AKAP12: variants seen among roughly 807,000 people sequenced by gnomAD.
The protein encoded by AKAP12 is A-kinase anchor protein 12.
AKAP12 carries 32 observed loss-of-function variants against 79.9 expected under a neutral mutation model. The ratio of observed to expected loss-of-function variants is 0.40; its 90% confidence interval spans 0.30 to 0.54. AKAP12 has a LOEUF of 0.54. AKAP12 is among the 20% of genes least tolerant of loss of function. The probability of loss-of-function intolerance (pLI) is 0.48; values close to 1 mark genes in which losing one functional copy is unlikely to be tolerated. For missense variants in AKAP12, 2,074 were observed against 2,177.0 expected (o/e 0.95, Z 0.94); for synonymous variants, 808 against 857.0 (o/e 0.94, Z 1.00).
intron 3 of AKAP12, chr6:151,325,645 A>G (rs1777503646): frequency 7.2e-7 from 1 of 1,395,530 alleles, no homozygotes; most frequent in African/African-American, 1.5e-5. Context: ...GGGTCCGCCT[A>G]TAATTATCTG....
chr6:151,336,882 A>G (rs370641868), intron 3 of AKAP12, among the ~76,000 whole-genome samples: 13 of 152,260 alleles, frequency 8.5e-5, no homozygotes, highest in African/African-American at 2.9e-4. Context: ...AGAAATGTCT[A>G]AGAACAGAGA....
rs141495035 is a variant in AKAP12, at chr6:151,335,796, G to A, written c.320-12915G>A. Among the ~76,000 whole-genome samples, 287 of 152,144 alleles carry A rather than the reference G, an allele frequency of 1.9e-3. 1 individual carries two copies. The highest frequency in any genetic ancestry group is 6.7e-3 in the African/African-American group (278 of 41,510). The stretch of plus-strand genomic sequence containing the variant: ...GGCCTTATTTTTCGTTTAGATTCAG[G>A]GGATACATATATAGGTTTGTTACCT... On this transcript the variant is annotated intron_variant, in intron 3 of 4. Coordinates refer to ENST00000402676, the MANE Select transcript of AKAP12 (RefSeq NM_005100.4).
chr6:151,297,776 C>T (rs1776769492), intron 2 of AKAP12, among the ~76,000 whole-genome samples: 1 of 152,080 alleles, frequency 6.6e-6, no homozygotes, highest in African/African-American at 2.4e-5. Flanking sequence ...TTTCATTTCA[C>T]ATCTCAGACT....
intron 2 of AKAP12, among the ~76,000 whole-genome samples, chr6:151,303,923 G>A (rs1052890289): frequency 6.6e-6 from 1 of 152,118 alleles, no homozygotes; most frequent in Admixed American, 6.6e-5. Context: ...GAAATAGTTG[G>A]TGGCAAGAGT....
intron 3 of AKAP12, among the ~76,000 whole-genome samples, chr6:151,345,924 TGTGTGTGTGAGAGAGAGAGA>T (rs1173870103): frequency 3.8e-5 from 4 of 103,926 alleles, no homozygotes; most frequent in African/African-American, 1.3e-4. Flanking sequence ...TGTGTGTGTG[TGTGTGTGTGAGAGAGAGAGA>T]GAGAGAGAGA....
At chr6:151,313,790 C>T (rs987949676) in intron 3 of AKAP12, among the ~76,000 whole-genome samples, 5 of 152,108 alleles carry the variant, frequency 3.3e-5, no homozygotes, top group East Asian at 3.8e-4. Flanking sequence ...CTACTTTTTG[C>T]GTGATCTTGA....
chr6:151,328,026 C>G (rs1381410274), intron 3 of AKAP12, among the ~76,000 whole-genome samples: 1 of 152,190 alleles, frequency 6.6e-6, no homozygotes, highest in Non-Finnish European at 1.5e-5. Flanking sequence ...GCCATGAGAG[C>G]TTTAAAAATT....
intron 3 of AKAP12, among the ~76,000 whole-genome samples, chr6:151,314,881 C>T (rs767116125): frequency 2.6e-4 from 39 of 151,900 alleles, no homozygotes; most frequent in Admixed American, 7.9e-4. Flanking sequence ...AGTGAAACCC[C>T]GTCCTACTAA....
chr6:151,296,296 A>G (rs893944515), intron 2 of AKAP12, among the ~76,000 whole-genome samples: 4 of 152,300 alleles, frequency 2.6e-5, no homozygotes, highest in African/African-American at 7.2e-5. Context: ...TTTTGACTCT[A>G]TGCTTTGATA....
intron 3 of AKAP12, chr6:151,319,827 C>G (rs1359028419): frequency 2.0e-5 from 3 of 153,812 alleles, no homozygotes; most frequent in Non-Finnish European, 4.4e-5. Context: ...CAAGGGTGTA[C>G]AAGTAGCTGC....
intron 2 of AKAP12, among the ~76,000 whole-genome samples, chr6:151,303,177 C>T (rs936329744): frequency 1.6e-4 from 24 of 147,598 alleles, no homozygotes; most frequent in Non-Finnish European, 2.6e-4. Flanking sequence ...GGGACAAGAG[C>T]GAAAATCCAT....
chr6:151,278,422 G>C (rs966788585), intron 2 of AKAP12, among the ~76,000 whole-genome samples: 1 of 152,082 alleles, frequency 6.6e-6, no homozygotes, highest in Non-Finnish European at 1.5e-5. Context: ...TGCCATGTTG[G>C]CCAGACTGGT....
intron 3 of AKAP12, chr6:151,319,558 C>T (rs201139151): frequency 8.5e-5 from 7 of 82,334 alleles, no homozygotes; most frequent in Non-Finnish European, 1.7e-4. Flanking sequence ...ATATATATAT[C>T]TATATAGAGA....
At chr6:151,299,998 A>T (rs186296720) in intron 2 of AKAP12, among the ~76,000 whole-genome samples, 1 of 152,338 alleles carries the variant, frequency 6.6e-6, no homozygotes. Context: ...GGCATGGTGT[A>T]GCTAATGGGT....
Position 151,353,079 on chromosome 6 carries a change from G to A in AKAP12, c.4688G>A (p.Arg1563His), listed in dbSNP as rs760592345. The A allele has an allele frequency of 8.1e-6, 13 of 1,614,018 alleles. No individual in the cohort carries two copies. Among genetic ancestry groups the A allele is most frequent in the East Asian group, 6.7e-5 (3 of 44,890 alleles). The change falls in exon 4 of 5, where the codon CGT becomes CAT. Residue 1563 changes from arginine (R) to histidine (H), a missense_variant. By Grantham distance (29) the Arg-to-His change is conservative. This residue lies in a region of AKAP12 where 614 missense variants were observed against 665.6 expected (regional missense o/e 0.92). Transcript: ENST00000402676. ...CAGACAGCCGTTGACCAGTTTGTAC[G>A]TACAGAAGAAACAGCCACCGAAATG... is the stretch of plus-strand genomic sequence containing the variant. ...IIQTAVDQFVRTEETATEMLT... is the reference protein window; with the variant it reads ...IIQTAVDQFVHTEETATEMLT...
chr6:151,278,469 G>A (rs2745463), intron 2 of AKAP12, among the ~76,000 whole-genome samples: 59,302 of 151,966 alleles, frequency 0.39, 12,275 homozygotes, highest in Admixed American at 0.51. Flanking sequence ...TCCCTCCTTG[G>A]CCTACCAAAG....
At chr6:151,281,497 A>G (rs551016752) in intron 2 of AKAP12, among the ~76,000 whole-genome samples, 36 of 152,268 alleles carry the variant, frequency 2.4e-4, no homozygotes, top group South Asian at 1.2e-3. Context: ...GTCTTCTTAT[A>G]TGCTTCAGAT....
rs139682112 is a variant in AKAP12 at position 151,340,124 on chromosome 6, G to A, written c.320-8587G>A. On this transcript the variant is annotated intron_variant, in intron 3 of 4. Transcript: ENST00000402676. Reference sequence around the variant, plus strand: ...TTTGTTTGTTTGTTTTAGTAGAGACGGGGTTTCACCATCTTGGCCAGGCTG... The same window carrying A: ...TTTGTTTGTTTGTTTTAGTAGAGACAGGGTTTCACCATCTTGGCCAGGCTG... Among the ~76,000 whole-genome samples, 1,490 of 151,814 alleles carry A rather than the reference G, an allele frequency of 9.8e-3. 25 individuals are homozygous for A. The highest frequency in any genetic ancestry group is 0.035 in the African/African-American group (1,430 of 41,406).
At chr6:151,310,100 C>T (rs1035453576) in intron 3 of AKAP12, among the ~76,000 whole-genome samples, 1 of 152,092 alleles carries the variant, frequency 6.6e-6, no homozygotes, top group African/African-American at 2.4e-5. Context: ...CAGTGGCTCA[C>T]ACCTGTAATC....
Sources: allele counts gnomAD v4.1 joint callset (sites outside exome capture counted in the v4.1 genomes callset), GRCh38; gene constraint gnomAD v4.1.1; regional missense constraint gnomAD v4.1.1; transcripts MANE v1.5; gene names NCBI Gene and HGNC (gene_info 2026-07-23, HGNC 2026-07-21).